The following TUBA4B variants were observed in gnomAD, a reference collection of about 807,000 sequenced individuals.
TUBA4B encodes the protein tubulin alpha 4b.
TUBA4B carries 13 observed loss-of-function variants against 18.4 expected under a neutral mutation model. That is an observed-to-expected ratio of 0.71 (90% confidence interval 0.46 to 1.12). The LOEUF (loss-of-function observed/expected upper bound fraction) is 1.12, where lower values mean the gene tolerates loss of function less well. Ranked by LOEUF, TUBA4B falls within the 50% of genes most tolerant of loss-of-function variation. The pLI is 0.00. For synonymous variants in TUBA4B, 101 were observed against 99.1 expected (o/e 1.02, Z -0.11); for missense variants, 244 against 250.0 (o/e 0.98, Z 0.16).
At chr2:219,262,350 A>G (rs1393955674) in intron 1 of TUBA4B, among the ~76,000 whole-genome samples, 2 of 152,130 alleles carry the variant, frequency 1.3e-5, no homozygotes, top group Non-Finnish European at 2.9e-5. Flanking sequence ...AACAAAACAA[A>G]TATCACCTTC....
intron 1 of TUBA4B, among the ~76,000 whole-genome samples, chr2:219,262,908 G>A (rs1485745399): frequency 6.6e-6 from 1 of 152,024 alleles, no homozygotes; most frequent in East Asian, 1.9e-4. Flanking sequence ...AGGCATGGTG[G>A]CATGCGCCTG....
chr2:219,256,969 T>G (rs1336053899), intron 1 of TUBA4B, among the ~76,000 whole-genome samples: 2 of 151,678 alleles, frequency 1.3e-5, no homozygotes, highest in Non-Finnish European at 2.9e-5. Context: ...GAGGAATAGA[T>G]TCTCCCCTAG....
intron 1 of TUBA4B, among the ~76,000 whole-genome samples, chr2:219,260,911 G>C (rs981944654): frequency 2.0e-5 from 3 of 152,156 alleles, no homozygotes; most frequent in African/African-American, 7.2e-5. Flanking sequence ...GAAGGTTGCA[G>C]TGAGCCAAGA....
intron 1 of TUBA4B, among the ~76,000 whole-genome samples, chr2:219,261,917 G>T (rs1476372179): frequency 1.3e-5 from 2 of 152,224 alleles, no homozygotes; most frequent in African/African-American, 4.8e-5. Context: ...CACTGGGCTA[G>T]TTCCTACCTA....
chr2:219,265,263 C>G (rs73991446), intron 1 of TUBA4B, among the ~76,000 whole-genome samples: 5 of 152,162 alleles, frequency 3.3e-5, no homozygotes, highest in Non-Finnish European at 7.3e-5. Flanking sequence ...TTTCCTTCAT[C>G]CTGGGAAAGG....
intron 2 of TUBA4B, among the ~76,000 whole-genome samples, chr2:219,269,591 T>G (rs1325718532): frequency 6.6e-6 from 1 of 152,166 alleles, no homozygotes; most frequent in African/African-American, 2.4e-5. Flanking sequence ...TATGTTTCCC[T>G]CTGTGAAGGC....
intron 1 of TUBA4B, among the ~76,000 whole-genome samples, chr2:219,255,072 T>G (rs1951706548): frequency 2.0e-5 from 3 of 151,986 alleles, no homozygotes; most frequent in Non-Finnish European, 2.9e-5. Flanking sequence ...CTCTTTTGAG[T>G]CAGTGTCTTG....
intron 2 of TUBA4B, among the ~76,000 whole-genome samples, chr2:219,269,872 C>G (rs1273972610): frequency 2.0e-5 from 3 of 152,114 alleles, no homozygotes; most frequent in African/African-American, 4.8e-5. Context: ...ACAACCTTGT[C>G]CCTGGGTACC....
At chr2:219,270,111 A>G in intron 2 of TUBA4B, 91 bp from the exon 3 acceptor site, 1 of 659,670 alleles carries the variant, frequency 1.5e-6, no homozygotes, top group Admixed American at 2.1e-5. Context: ...CGGTGACCCC[A>G]CTCCCTTCAG....
At chr2:219,265,649 A>G (rs967344962) in intron 1 of TUBA4B, among the ~76,000 whole-genome samples, 1 of 152,190 alleles carries the variant, frequency 6.6e-6, no homozygotes, top group African/African-American at 2.4e-5. Flanking sequence ...AAGAAAAAAA[A>G]AAAGATGCAT....
At chr2:219,263,051 A>G (rs1263052924) in intron 1 of TUBA4B, among the ~76,000 whole-genome samples, 2 of 152,062 alleles carry the variant, frequency 1.3e-5, no homozygotes, top group Non-Finnish European at 2.9e-5. Context: ...CCCACCCCCC[A>G]AAAAAGCATA....
At chr2:219,259,127 TAAA>T (rs1951742950) in intron 1 of TUBA4B, among the ~76,000 whole-genome samples, 4 of 13,388 alleles carry the variant, frequency 3.0e-4, no homozygotes, top group South Asian at 1.6e-3. Flanking sequence ...CTAAAAATAA[TAAA>T]TAAATAAATA....
At chr2:219,256,502 G>A (rs541589397) in intron 1 of TUBA4B, among the ~76,000 whole-genome samples, 2 of 152,352 alleles carry the variant, frequency 1.3e-5, no homozygotes, top group Admixed American at 6.5e-5. Flanking sequence ...GCAGAAGAAT[G>A]CTACCCCATA....
intron 1 of TUBA4B, chr2:219,254,064 ACCCTC>A: frequency 2.2e-6 from 1 of 464,240 alleles, no homozygotes; most frequent in Non-Finnish European, 3.9e-6. Flanking sequence ...CTGGCCTGGT[ACCCTC>A]CCCAAGCTGC....
intron 3 of TUBA4B, 86 bp downstream of exon 3, chr2:219,270,421 C>G: frequency 1.5e-6 from 1 of 674,500 alleles, no homozygotes; most frequent in Non-Finnish European, 2.7e-6. Flanking sequence ...TGGGGAAGGA[C>G]AGCTTCAGCC....
At chr2:219,263,348 C>T (rs761740263) in intron 1 of TUBA4B, among the ~76,000 whole-genome samples, 1 of 152,022 alleles carries the variant, frequency 6.6e-6, no homozygotes, top group Admixed American at 6.6e-5. Context: ...CAAAAATTAG[C>T]GGGGTGTGTT....
intron 2 of TUBA4B, 27 bp downstream of exon 2, chr2:219,266,593 T>C (rs990461807): frequency 4.3e-5 from 30 of 702,532 alleles, no homozygotes; most frequent in Non-Finnish European, 6.5e-5. Flanking sequence ...TTGGGGGGAC[T>C]GAGCATGCAA....
intron 1 of TUBA4B, among the ~76,000 whole-genome samples, chr2:219,262,898 A>G (rs1951768092): frequency 6.6e-6 from 1 of 151,938 alleles, no homozygotes; most frequent in Non-Finnish European, 1.5e-5. Flanking sequence ...AAAATTAGCC[A>G]GGCATGGTGG....
intron 3 of TUBA4B, among the ~76,000 whole-genome samples, chr2:219,270,852 G>A (rs1951820667): frequency 1.3e-5 from 2 of 151,960 alleles, no homozygotes; most frequent in African/African-American, 4.8e-5. Flanking sequence ...AAGTTATGAC[G>A]ACAAGATGAG....
Sources: allele counts gnomAD v4.1 joint callset (sites outside exome capture counted in the v4.1 genomes callset), GRCh38; gene constraint gnomAD v4.1.1; transcripts MANE v1.5; gene names NCBI Gene and HGNC (gene_info 2026-07-23, HGNC 2026-07-21).